The following MOSPD2 variants were observed in gnomAD, a reference collection of about 807,000 sequenced individuals.
MOSPD2 encodes motile sperm domain-containing protein 2.
In MOSPD2, 5 loss-of-function variants were observed where a neutral mutation model predicts 41.7. The observed-to-expected ratio is 0.12, with a 90% CI of 0.06 to 0.25. MOSPD2 has a LOEUF of 0.25. MOSPD2 is among the 10% of genes least tolerant of loss of function. MOSPD2 has a pLI of 1.00. For synonymous variants in MOSPD2, 115 were observed against 126.9 expected, an observed-to-expected ratio of 0.91 and a Z score of 0.63; for missense variants, 282 against 375.2, an observed-to-expected ratio of 0.75 and a Z score of 2.05.
chrX:14,909,196 T>A (rs1448754087), intron 8 of MOSPD2, among the ~76,000 whole-genome samples: 2 of 112,173 alleles, frequency 1.8e-5, no homozygotes, highest in Non-Finnish European at 3.8e-5. Flanking sequence ...GGTTCTAAAC[T>A]GAAGAGTATT....
chrX:14,895,772 C>T (rs925804976), intron 4 of MOSPD2, among the ~76,000 whole-genome samples: 1 of 111,002 alleles, frequency 9.0e-6, no homozygotes, highest in Admixed American at 9.6e-5. Flanking sequence ...TTCGAGTCTC[C>T]CATAATCTCA....
chrX:14,911,882 G>A (rs1042565418), intron 9 of MOSPD2, among the ~76,000 whole-genome samples: 11 of 111,891 alleles, frequency 9.8e-5, no homozygotes, highest in Non-Finnish European at 1.9e-4. Context: ...GTGAGACTTT[G>A]TCTCAAAATA....
chrX:14,880,161 G>A (rs2092528716), intron 2 of MOSPD2, among the ~76,000 whole-genome samples: 1 of 110,568 alleles, frequency 9.0e-6, no homozygotes, highest in Admixed American at 9.6e-5. Context: ...ATTTGTATCT[G>A]CTAAAGTCTT....
rs145240084 is a variant in MOSPD2, at chrX:14,887,267, A to G, written c.80-5456A>G. 3.0e-3 allele frequency among the ~76,000 whole-genome samples: 339 copies of G among 112,771 alleles called. 1 individual carries two copies. The highest frequency in any genetic ancestry group is 9.8e-3 in the African/African-American group (306 of 31,101). Reference sequence around the variant, plus strand: ...CTGAAATTTAGGCACATTTGTAACAACAATGTACTTCCAAGATTTTCCTTA... The same window carrying G: ...CTGAAATTTAGGCACATTTGTAACAGCAATGTACTTCCAAGATTTTCCTTA... On this transcript the variant is annotated intron_variant, in intron 2 of 14. Coordinates refer to ENST00000380492, the MANE Select transcript of MOSPD2 (RefSeq NM_152581.4).
At chrX:14,897,009 G>C (rs1569103235) in intron 4 of MOSPD2, 75 bp from the exon 5 acceptor site, 1 of 776,307 alleles carries the variant, frequency 1.3e-6, no homozygotes, top group Non-Finnish European at 1.7e-6. Flanking sequence ...AAAATGTCAA[G>C]GGAAAGGCAA....
At chrX:14,899,529 C>T (rs866535852) in intron 5 of MOSPD2, among the ~76,000 whole-genome samples, 1 of 79,605 alleles carries the variant, frequency 1.3e-5, no homozygotes. Context: ...TATATATATA[C>T]ACACAAAGGT....
At position 14,921,436 on chromosome X, in the gene MOSPD2, A is replaced by G. The variant is rs1166214620; in HGVS notation, c.*1627A>G. On this transcript the variant is annotated 3_prime_UTR_variant, in exon 15 of 15. Transcript: ENST00000380492. ...GTCCACCCTAAGTACTGTGCACAGT[A>G]TCTCCCTGTGTGTGTGCACAGTGGC... The G allele has an allele frequency of 3.2e-6, 3 of 931,908 alleles. No homozygotes were observed. The highest frequency in any genetic ancestry group is 4.0e-6 in the Non-Finnish European group (3 of 751,855). The allele number at this position is 931,908 out of a possible 1,213,427, so 76.8% of individuals were successfully genotyped here.
chrX:14,910,462 G>A (rs1406114607), intron 8 of MOSPD2, among the ~76,000 whole-genome samples: 1 of 111,608 alleles, frequency 9.0e-6, no homozygotes, highest in African/African-American at 3.3e-5. Flanking sequence ...CTGTATGGAC[G>A]GGTATAACAT....
Position 14,921,307 on chromosome X carries a change from T to A in MOSPD2, c.*1498T>A. 1.1e-6 allele frequency: 1 copy of A among 934,654 alleles called. No homozygotes were observed. The highest frequency in any genetic ancestry group is 2.0e-5 in the African/African-American group (1 of 49,321). The allele number at this position is 934,654 out of a possible 1,213,427, so 77.0% of individuals were successfully genotyped here. ...GAATGATATAACAGTTCCTTCAAAA[T>A]TGGCCTAGGAAATAAAACCTTAAAA... On this transcript the variant is annotated 3_prime_UTR_variant, in exon 15 of 15. Coordinates refer to ENST00000380492, the MANE Select transcript of MOSPD2 (RefSeq NM_152581.4).
At chrX:14,917,061 T>C (rs182299212) in intron 13 of MOSPD2, among the ~76,000 whole-genome samples, 113 of 112,148 alleles carry the variant, frequency 1.0e-3, no homozygotes, top group Middle Eastern at 4.6e-3. Flanking sequence ...TTGTCACAAC[T>C]GGGGGATGGG....
intron 2 of MOSPD2, among the ~76,000 whole-genome samples, chrX:14,878,476 C>G (rs1169031203): frequency 8.9e-6 from 1 of 111,955 alleles, no homozygotes; most frequent in East Asian, 2.8e-4. Context: ...GTAGTTTAAA[C>G]ATTTTTTTAT....
intron 2 of MOSPD2, among the ~76,000 whole-genome samples, chrX:14,888,195 T>TACACACACGC (rs2092545501): frequency 3.4e-5 from 3 of 88,778 alleles, no homozygotes; most frequent in Non-Finnish European, 6.7e-5. Flanking sequence ...GGAGAATATA[T>TACACACACGC]ACACACACAC....
chrX:14,892,388 C>A (rs764113834), intron 2 of MOSPD2, among the ~76,000 whole-genome samples: 1 of 111,006 alleles, frequency 9.0e-6, no homozygotes, highest in Admixed American at 9.6e-5. Context: ...TCAGTTCGTG[C>A]GGGAACTAAG....
chrX:14,909,272 A>G (rs1295053144), intron 8 of MOSPD2, among the ~76,000 whole-genome samples: 1 of 111,790 alleles, frequency 8.9e-6, no homozygotes, highest in African/African-American at 3.2e-5. Context: ...TCCAACCACC[A>G]TATTCCCTCC....
rs181156088 is a variant in MOSPD2, at chrX:14,910,981, C to T, written c.703-256C>T. ...ACACAAACAACATATACATTTAAAG[C>T]TTTTATCCATCTGAAATTCTTTTTG... On this transcript the variant is annotated intron_variant, in intron 8 of 14. Transcript: ENST00000380492. Among the ~76,000 whole-genome samples, 415 of 109,831 alleles carry T rather than the reference C, an allele frequency of 3.8e-3. 2 individuals carry two copies. The highest frequency in any genetic ancestry group is 0.013 in the African/African-American group (385 of 30,283).
At chrX:14,912,856 T>C (rs2092594170) in intron 10 of MOSPD2, among the ~76,000 whole-genome samples, 1 of 112,244 alleles carries the variant, frequency 8.9e-6, no homozygotes, top group Non-Finnish European at 1.9e-5. Context: ...TAAAGACCTT[T>C]TTCTCACTGA....
intron 2 of MOSPD2, among the ~76,000 whole-genome samples, chrX:14,877,084 G>A (rs966500802): frequency 9.0e-6 from 1 of 111,530 alleles, no homozygotes; most frequent in Non-Finnish European, 1.9e-5. Context: ...TAACCTTAAG[G>A]AGGGTAAGCA....
chrX:14,906,831 C>A (rs1270472388), intron 7 of MOSPD2, among the ~76,000 whole-genome samples: 2 of 111,444 alleles, frequency 1.8e-5, no homozygotes, highest in Non-Finnish European at 3.8e-5. Flanking sequence ...TGGAGACCAA[C>A]CTGGCTAACA....
intron 3 of MOSPD2, 135 bp from the exon 4 acceptor site, chrX:14,895,173 A>G (rs1268605807): frequency 4.6e-6 from 2 of 439,179 alleles, no homozygotes; most frequent in South Asian, 3.8e-5. Context: ...ATTGCCAGAG[A>G]TTTTTTTTTG....
Sources: allele counts gnomAD v4.1 joint callset (sites outside exome capture counted in the v4.1 genomes callset), GRCh38; gene constraint gnomAD v4.1.1; transcripts MANE v1.5; gene names NCBI Gene and HGNC (gene_info 2026-07-23, HGNC 2026-07-21).